SLC2A13: variants seen among roughly 807,000 people sequenced by gnomAD.
SLC2A13 encodes solute carrier family 2 member 13.
A neutral mutation model predicts 64.4 loss-of-function variants in SLC2A13; 32 were observed. That is an observed-to-expected ratio of 0.50 (90% CI 0.37 to 0.67). SLC2A13 has a LOEUF of 0.67. Among genes scored for constraint, SLC2A13 ranks in the 30% least tolerant of loss-of-function variants. SLC2A13 has a pLI of 0.00. For synonymous variants in SLC2A13, 338 were observed against 327.1 expected (o/e 1.03, Z -0.36); for missense variants, 743 against 829.2 (o/e 0.90, Z 1.28).
chr12:39,959,314 T>C (rs951851469), intron 3 of SLC2A13, among the ~76,000 whole-genome samples: 1 of 152,240 alleles, frequency 6.6e-6, no homozygotes, highest in Non-Finnish European at 1.5e-5. Context: ...TCAATCATTC[T>C]TTCACAGTCT....
intron 4 of SLC2A13, among the ~76,000 whole-genome samples, chr12:39,947,940 A>G (rs933555398): frequency 1.3e-5 from 2 of 152,126 alleles, no homozygotes; most frequent in African/African-American, 2.4e-5. Context: ...AATTACAGGC[A>G]TGAGCCACCG....
chr12:39,881,544 G>A (rs1343333047), intron 4 of SLC2A13, among the ~76,000 whole-genome samples: 1 of 152,120 alleles, frequency 6.6e-6, no homozygotes, highest in African/African-American at 2.4e-5. Flanking sequence ...AGGAGTCTAA[G>A]ATTTTCAGAT....
At chr12:39,944,697 G>A (rs990463408) in intron 4 of SLC2A13, among the ~76,000 whole-genome samples, 1 of 152,178 alleles carries the variant, frequency 6.6e-6, no homozygotes, top group African/African-American at 2.4e-5. Flanking sequence ...TGCATGAAAT[G>A]CCATTTTCTA....
intron 4 of SLC2A13, among the ~76,000 whole-genome samples, chr12:39,885,902 A>C (rs944255385): frequency 3.9e-5 from 6 of 152,162 alleles, no homozygotes; most frequent in Non-Finnish European, 7.3e-5. Flanking sequence ...TGGTTCAACA[A>C]CACTTTAAAA....
chr12:40,086,360 T>C (rs1249713543), intron 1 of SLC2A13, among the ~76,000 whole-genome samples: 2 of 152,104 alleles, frequency 1.3e-5, no homozygotes, highest in Non-Finnish European at 2.9e-5. Context: ...TAAAAATAAA[T>C]AAAAATAAAC....
In SLC2A13 at chr12:39,770,382, A is replaced by G. The variant is rs539937206; in HGVS notation, c.1446-5524T>C. ...CGAAATGACCTCTCCAGAAGGCAGC[A>G]TGGGGCTGCTCTGAGTTCAAATCGT... is the stretch of plus-strand genomic sequence containing the variant. On this transcript the variant is annotated intron_variant, in intron 7 of 9. Coordinates refer to ENST00000280871, the MANE Select transcript of SLC2A13 (RefSeq NM_052885.4). Among the ~76,000 whole-genome samples the G allele has an allele frequency of 1.6e-4, 25 of 152,318 alleles. No homozygotes were observed. In the South Asian group the frequency reaches 5.2e-3, roughly 32 times the overall value.
At chr12:39,929,607 A>AG (rs1179318782) in intron 4 of SLC2A13, among the ~76,000 whole-genome samples, 1 of 151,774 alleles carries the variant, frequency 6.6e-6, no homozygotes, top group African/African-American at 2.4e-5. Flanking sequence ...CACAAGAGAG[A>AG]GGGGTAAAGA....
intron 1 of SLC2A13, among the ~76,000 whole-genome samples, chr12:40,061,858 T>A (rs1948429938): frequency 6.7e-6 from 1 of 148,862 alleles, no homozygotes; most frequent in South Asian, 2.1e-4. Context: ...GGAAGGACAA[T>A]GGGCCAAGAT....
chr12:39,971,567 A>G (rs1229258279), intron 3 of SLC2A13, among the ~76,000 whole-genome samples: 1 of 152,208 alleles, frequency 6.6e-6, no homozygotes, highest in East Asian at 1.9e-4. Flanking sequence ...TTTCTTTATG[A>G]CAGGGAGTAA....
chr12:40,050,307 A>G (rs1336437019), intron 1 of SLC2A13, among the ~76,000 whole-genome samples: 2 of 152,196 alleles, frequency 1.3e-5, no homozygotes, highest in East Asian at 1.9e-4. Flanking sequence ...AGATTTGAGC[A>G]TGGGAAATCA....
intron 4 of SLC2A13, among the ~76,000 whole-genome samples, chr12:39,925,410 C>A (rs979471683): frequency 6.6e-6 from 1 of 152,046 alleles, no homozygotes; most frequent in African/African-American, 2.4e-5. Flanking sequence ...TTAATTAAAT[C>A]TTTCAATTTC....
At chr12:39,907,408 A>T (rs186715004) in intron 4 of SLC2A13, among the ~76,000 whole-genome samples, 1 of 152,152 alleles carries the variant, frequency 6.6e-6, no homozygotes, top group Non-Finnish European at 1.5e-5. Context: ...TCCATAATTT[A>T]TAAGACTCCA....
Position 39,951,376 on chromosome 12 carries a change from A to T in SLC2A13, c.926-11T>A. ...AGATCACAGGTCCAGCTTTTTTAAG[A>T]AAGAAAGAAAAAAAAAATACAACTA... On this transcript the variant is annotated splice_polypyrimidine_tract_variant and intron_variant, in intron 3 of 9. Coordinates refer to ENST00000280871, the MANE Select transcript of SLC2A13 (RefSeq NM_052885.4). The T allele has an allele frequency of 6.6e-7, 1 of 1,508,582 alleles. No homozygotes were observed. The highest frequency in any genetic ancestry group is 8.8e-7 in the Non-Finnish European group (1 of 1,130,466). The allele number at this position is 1,508,582 out of a possible 1,614,324, so 93.4% of individuals were successfully genotyped here. A position where few individuals can be genotyped will look rare whatever the true frequency, so the allele number is the denominator to read the frequency against.
chr12:39,804,065 G>A (rs896662110), intron 7 of SLC2A13, among the ~76,000 whole-genome samples: 1 of 152,014 alleles, frequency 6.6e-6, no homozygotes, highest in African/African-American at 2.4e-5. Flanking sequence ...AAACTGGTGT[G>A]CATGTGTGTA....
At chr12:39,944,758 C>T (rs917757464) in intron 4 of SLC2A13, among the ~76,000 whole-genome samples, 4 of 152,166 alleles carry the variant, frequency 2.6e-5, no homozygotes, top group East Asian at 1.9e-4. Context: ...CTCCTGAAAG[C>T]GGCAGATAGT....
intron 1 of SLC2A13, among the ~76,000 whole-genome samples, chr12:40,061,620 C>A (rs897025474): frequency 6.6e-6 from 1 of 151,954 alleles, no homozygotes; most frequent in East Asian, 1.9e-4. Context: ...TGGACATATG[C>A]CAATACTATA....
At chr12:40,082,441 T>C (rs551226533) in intron 1 of SLC2A13, among the ~76,000 whole-genome samples, 1 of 152,316 alleles carries the variant, frequency 6.6e-6, no homozygotes, top group South Asian at 2.1e-4. Flanking sequence ...TGAGGATGGA[T>C]ATTCTAACAA....
At chr12:39,762,722 CAT>C (rs1355109996) in intron 9 of SLC2A13, among the ~76,000 whole-genome samples, 10 of 151,976 alleles carry the variant, frequency 6.6e-5, no homozygotes, top group Admixed American at 1.3e-4. Context: ...AAACCAGTAA[CAT>C]GTGGATTAAA....
rs114163280 is a variant in SLC2A13, at chr12:39,843,284, T to G, written c.1320-13056A>C. Reference sequence around the variant, plus strand: ...GAATGAGTCAGGTTTTCCAAATCAGTGCTAGAAATTGTTAATTGAAGAATT... The same window carrying G: ...GAATGAGTCAGGTTTTCCAAATCAGGGCTAGAAATTGTTAATTGAAGAATT... On this transcript the variant is annotated intron_variant, in intron 6 of 9. Transcript: ENST00000280871. 6.2e-3 allele frequency among the ~76,000 whole-genome samples: 944 copies of G among 152,128 alleles called. 12 individuals carry two copies. Among genetic ancestry groups the G allele is most frequent in the African/African-American group, 0.021 (893 of 41,546 alleles).
Sources: allele counts gnomAD v4.1 joint callset (sites outside exome capture counted in the v4.1 genomes callset), GRCh38; gene constraint gnomAD v4.1.1; transcripts MANE v1.5; gene names NCBI Gene and HGNC (gene_info 2026-07-23, HGNC 2026-07-21).